Variants in CADM1 observed in about 807,000 individuals in gnomAD.
CADM1 encodes TSLC-1.
A neutral mutation model predicts 53.1 loss-of-function variants in CADM1; 15 were observed. The observed-to-expected ratio is 0.28, with a 90% confidence interval of 0.19 to 0.44. The LOEUF is 0.44. Among genes scored for constraint, CADM1 ranks in the 20% least tolerant of loss-of-function variants. CADM1 has a pLI of 1.00. For synonymous variants in CADM1, 281 were observed against 243.0 expected (o/e 1.16, Z -1.45); for missense variants, 434 against 611.3 (o/e 0.71, Z 3.06).
chr11:115,246,167 C>T (rs531350825), intron 1 of CADM1, among the ~76,000 whole-genome samples: 3 of 152,152 alleles, frequency 2.0e-5, no homozygotes, highest in Admixed American at 6.5e-5. Context: ...ATTTCTGAGA[C>T]AGGCAAATAT....
At chr11:115,374,314 C>A (rs938323778) in intron 1 of CADM1, among the ~76,000 whole-genome samples, 8 of 152,112 alleles carry the variant, frequency 5.3e-5, no homozygotes, top group Non-Finnish European at 1.2e-4. Context: ...ATGTTTAACC[C>A]TATAAATTCA....
At chr11:115,471,719 G>T (rs987342897) in intron 1 of CADM1, among the ~76,000 whole-genome samples, 1 of 152,180 alleles carries the variant, frequency 6.6e-6, no homozygotes, top group Non-Finnish European at 1.5e-5. Context: ...GGCTGAGATC[G>T]GAGGAGAGAT....
At chr11:115,350,637 T>A (rs1349805617) in intron 1 of CADM1, among the ~76,000 whole-genome samples, 2 of 146,806 alleles carry the variant, frequency 1.4e-5, no homozygotes, top group Admixed American at 6.8e-5. Flanking sequence ...CCATACTAAC[T>A]AAAAAAAAAA....
At chr11:115,349,130 A>G (rs1483972391) in intron 1 of CADM1, among the ~76,000 whole-genome samples, 1 of 152,190 alleles carries the variant, frequency 6.6e-6, no homozygotes, top group Non-Finnish European at 1.5e-5. Flanking sequence ...TTTGTTAACT[A>G]TATGTGTCGC....
intron 1 of CADM1, among the ~76,000 whole-genome samples, chr11:115,503,879 G>A (rs1172758816): frequency 1.3e-5 from 2 of 152,126 alleles, no homozygotes; most frequent in African/African-American, 2.4e-5. Flanking sequence ...CTGGGAGGTG[G>A]GAGGACCTGC....
At position 115,500,348 on chromosome 11, in the gene CADM1, G is replaced by A. The variant is rs981641274; in HGVS notation, c.124+3923C>T. 2.0e-5 allele frequency among the ~76,000 whole-genome samples: 3 copies of A among 152,130 alleles called. No homozygotes were observed. In the East Asian group the frequency reaches 5.8e-4, roughly 29 times the overall value. On this transcript the variant is annotated intron_variant, in intron 1 of 11. Transcript: ENST00000331581. ...CATTTCTAAAATGTAAATTCTAAGT[G>A]ACCAATTAGGCATTAAAATGTCACG... is the stretch of plus-strand genomic sequence containing the variant.
intron 1 of CADM1, among the ~76,000 whole-genome samples, chr11:115,402,321 G>A (rs552617528): frequency 2.6e-5 from 4 of 152,234 alleles, no homozygotes; most frequent in East Asian, 1.9e-4. Context: ...TCTGGAGGTC[G>A]AGACCAGCCT....
chr11:115,251,885 G>C (rs934205761), intron 1 of CADM1, among the ~76,000 whole-genome samples: 2 of 152,178 alleles, frequency 1.3e-5, no homozygotes, highest in Admixed American at 1.3e-4. Context: ...GTGGACCAAA[G>C]AGATTCCAGA....
At chr11:115,260,467 T>C (rs1863533573) in intron 1 of CADM1, among the ~76,000 whole-genome samples, 1 of 152,228 alleles carries the variant, frequency 6.6e-6, no homozygotes, top group African/African-American at 2.4e-5. Context: ...AGTGGGCCTC[T>C]CTATCTTTGT....
At chr11:115,341,253 A>C (rs1426560955) in intron 1 of CADM1, among the ~76,000 whole-genome samples, 3 of 152,160 alleles carry the variant, frequency 2.0e-5, no homozygotes. Flanking sequence ...TGTTGCCGGC[A>C]CTAAGTATTA....
intron 1 of CADM1, among the ~76,000 whole-genome samples, chr11:115,304,537 G>GC (rs928564104): frequency 5.9e-4 from 90 of 152,000 alleles, no homozygotes; most frequent in African/African-American, 2.1e-3. Context: ...TATAACTATG[G>GC]CATAATAAAC....
intron 1 of CADM1, among the ~76,000 whole-genome samples, chr11:115,484,718 C>T (rs538129392): frequency 5.9e-5 from 9 of 152,118 alleles, no homozygotes; most frequent in East Asian, 5.8e-4. Flanking sequence ...GAGGCCGAGG[C>T]GGGCGGATCA....
intron 1 of CADM1, among the ~76,000 whole-genome samples, chr11:115,273,817 C>T (rs1943370775): frequency 6.6e-6 from 1 of 152,162 alleles, no homozygotes; most frequent in Non-Finnish European, 1.5e-5. Context: ...AAAACATCGC[C>T]TGGAGAAAGA....
At chr11:115,336,312 A>C (rs754667008) in intron 1 of CADM1, among the ~76,000 whole-genome samples, 3 of 152,280 alleles carry the variant, frequency 2.0e-5, no homozygotes, top group Middle Eastern at 3.4e-3. Context: ...ATTACGTCTT[A>C]GTATTATGAG....
rs552941944 is a variant in CADM1, at chr11:115,474,018, G to A, written c.124+30253C>T. Among the ~76,000 whole-genome samples, 445 of 151,906 alleles carry A rather than the reference G, an allele frequency of 2.9e-3. 1 individual carries two copies. Among genetic ancestry groups the A allele is most frequent in the African/African-American group, 0.01 (422 of 41,448 alleles). ...TTTAAAAAATAGGCAAAATATGGAC[G>A]GGCACAGTGGCTCACACCTGTAATC... is the stretch of plus-strand genomic sequence containing the variant. On this transcript the variant is annotated intron_variant, in intron 1 of 11. Transcript: ENST00000331581.
intron 1 of CADM1, among the ~76,000 whole-genome samples, chr11:115,323,036 T>G (rs1944864314): frequency 6.6e-6 from 1 of 152,160 alleles, no homozygotes; most frequent in Non-Finnish European, 1.5e-5. Context: ...GGCTGCACCA[T>G]TTTACATTAC....
chr11:115,449,799 A>G (rs1455348561), intron 1 of CADM1, among the ~76,000 whole-genome samples: 1 of 152,234 alleles, frequency 6.6e-6, no homozygotes, highest in Non-Finnish European at 1.5e-5. Context: ...AGTTCCAAAC[A>G]TTCTAGAGAG....
chr11:115,241,356 A>G (rs1942223062), intron 1 of CADM1, among the ~76,000 whole-genome samples: 1 of 152,222 alleles, frequency 6.6e-6, no homozygotes, highest in Admixed American at 6.5e-5. Flanking sequence ...ACAGAAGTAT[A>G]TGTTGTCCTA....
intron 1 of CADM1, chr11:115,287,454 G>A (rs925792657): frequency 2.6e-5 from 4 of 152,176 alleles, no homozygotes; most frequent in Admixed American, 2.6e-4. Context: ...CCACGCTCCT[G>A]GCCTCACAGG....
Sources: gnomAD v4.1 joint callset for allele counts (sites outside exome capture counted in the v4.1 genomes callset) on GRCh38, gnomAD v4.1.1 for gene constraint, MANE v1.5 for transcripts, NCBI Gene and HGNC (gene_info 2026-07-23, HGNC 2026-07-21) for gene names.